Variants in OXR1 observed in about 807,000 individuals in gnomAD.
OXR1 encodes the protein oxidation resistance protein 1.
Under a neutral mutation model 104.6 loss-of-function variants are expected in OXR1, and 41 were observed. That is an observed-to-expected ratio of 0.39 (90% CI 0.31 to 0.51). The LOEUF is 0.51. Ranked by LOEUF, OXR1 falls within the 20% of genes least tolerant of loss-of-function variation. The pLI, the probability that OXR1 is intolerant of heterozygous loss-of-function variation, is 0.77. For synonymous variants in OXR1, 348 were observed against 348.4 expected, an observed-to-expected ratio of 1.00 and a Z score of 0.01; for missense variants, 955 against 1,031.9, an observed-to-expected ratio of 0.93 and a Z score of 1.02.
intron 3 of OXR1, among the ~76,000 whole-genome samples, chr8:106,546,901 T>G (rs892178099): frequency 6.6e-6 from 1 of 152,204 alleles, no homozygotes; most frequent in African/African-American, 2.4e-5. Context: ...ACCTGTTTGT[T>G]TTTATTTTTT....
intron 1 of OXR1, among the ~76,000 whole-genome samples, chr8:106,282,670 A>G (rs1204759907): frequency 6.6e-6 from 1 of 152,238 alleles, no homozygotes; most frequent in Non-Finnish European, 1.5e-5. Flanking sequence ...ATTAAGTGGA[A>G]GTGAATAATC....
chr8:106,622,004 T>C (rs1821744452), intron 3 of OXR1, among the ~76,000 whole-genome samples: 1 of 152,222 alleles, frequency 6.6e-6, no homozygotes, highest in Non-Finnish European at 1.5e-5. Flanking sequence ...CACCAATTCA[T>C]TAACATGTTA....
At chr8:106,674,417 G>T (rs1248355486) in intron 3 of OXR1, among the ~76,000 whole-genome samples, 1 of 152,172 alleles carries the variant, frequency 6.6e-6, no homozygotes, top group East Asian at 1.9e-4. Flanking sequence ...TACCCACATT[G>T]TGTCTTGGAA....
intron 2 of OXR1, among the ~76,000 whole-genome samples, chr8:106,364,617 TA>T (rs1310921190): frequency 0.013 from 6 of 476 alleles, no homozygotes; most frequent in African/African-American, 0.056. Context: ...AAAAAAGTAA[TA>T]ATTTTTTTTT....
At chr8:106,680,413 G>A (rs1054584210) in intron 4 of OXR1, among the ~76,000 whole-genome samples, 11 of 151,998 alleles carry the variant, frequency 7.2e-5, no homozygotes, top group Non-Finnish European at 1.5e-4. Context: ...TGTTTCTTCA[G>A]CCTAAGAAAT....
intron 2 of OXR1, among the ~76,000 whole-genome samples, chr8:106,516,078 A>C (rs1586746173): frequency 6.6e-6 from 1 of 151,126 alleles, no homozygotes; most frequent in Non-Finnish European, 1.5e-5. Flanking sequence ...CCAGCTTCTC[A>C]CTCCCTCTTT....
intron 1 of OXR1, among the ~76,000 whole-genome samples, chr8:106,285,353 T>C (rs1031203125): frequency 1.3e-5 from 2 of 152,212 alleles, no homozygotes; most frequent in Non-Finnish European, 2.9e-5. Context: ...TGCAGAGTAA[T>C]TGGGCAGCTC....
chr8:106,701,585 A>G (rs1331484976), intron 7 of OXR1, among the ~76,000 whole-genome samples: 1 of 152,132 alleles, frequency 6.6e-6, no homozygotes, highest in Non-Finnish European at 1.5e-5. Flanking sequence ...TTTTACAGTT[A>G]CAGGATATAT....
At chr8:106,606,377 T>G (rs1820396131) in intron 3 of OXR1, among the ~76,000 whole-genome samples, 1 of 151,910 alleles carries the variant, frequency 6.6e-6, no homozygotes. Context: ...CTCGGATCAC[T>G]GCAACCACCA....
intron 2 of OXR1, among the ~76,000 whole-genome samples, chr8:106,487,339 C>CTTTTTTT (rs71307062): frequency 1.5e-5 from 2 of 129,206 alleles, no homozygotes; most frequent in Non-Finnish European, 3.2e-5. Context: ...CCAGGTATTT[C>CTTTTTTT]TTTTTTTTTT....
At chr8:106,584,468 G>C (rs1313951120) in intron 3 of OXR1, among the ~76,000 whole-genome samples, 3 of 152,018 alleles carry the variant, frequency 2.0e-5, no homozygotes, top group African/African-American at 7.2e-5. Context: ...TGAAACTTCA[G>C]AAAACTTGTT....
chr8:106,676,541 T>G (rs1026127490), intron 3 of OXR1, among the ~76,000 whole-genome samples: 1 of 152,166 alleles, frequency 6.6e-6, no homozygotes, highest in African/African-American at 2.4e-5. Flanking sequence ...TTATTTCTCC[T>G]TCCCTTATAT....
intron 2 of OXR1, among the ~76,000 whole-genome samples, chr8:106,451,287 T>G (rs1200726051): frequency 6.6e-6 from 1 of 152,194 alleles, no homozygotes; most frequent in African/African-American, 2.4e-5. Flanking sequence ...CAGTTTGGCT[T>G]ATTATCATTG....
chr8:106,519,208 T>C, intron 3 of OXR1, 69 bp downstream of exon 3: 1 of 1,073,922 alleles, frequency 9.3e-7, no homozygotes, highest in Non-Finnish European at 1.3e-6. Context: ...AATTTCTGGG[T>C]CTGTTTAGTT....
At chr8:106,512,568 A>G (rs766583934) in intron 2 of OXR1, among the ~76,000 whole-genome samples, 1 of 151,888 alleles carries the variant, frequency 6.6e-6, no homozygotes, top group East Asian at 1.9e-4. Flanking sequence ...GAAGAACTCA[A>G]TTAAATAAAA....
At chr8:106,325,442 T>G (rs928417146) in intron 1 of OXR1, among the ~76,000 whole-genome samples, 1 of 152,234 alleles carries the variant, frequency 6.6e-6, no homozygotes, top group African/African-American at 2.4e-5. Context: ...CTAGTTTTTT[T>G]ATCCCCAACT....
chr8:106,559,261 T>G (rs1323036618), intron 3 of OXR1, among the ~76,000 whole-genome samples: 1 of 152,196 alleles, frequency 6.6e-6, no homozygotes, highest in Non-Finnish European at 1.5e-5. Context: ...CATCTGAGAT[T>G]TCATCAGAAT....
At chr8:106,658,155 C>G (rs981502557) in intron 3 of OXR1, 1 of 1,244,120 alleles carries the variant, frequency 8.0e-7, no homozygotes, top group Non-Finnish European at 1.0e-6. Flanking sequence ...GCCCCACCGG[C>G]CCCCGGCGCC....
chr8:106,369,439 T>C (rs1403013915), intron 2 of OXR1, among the ~76,000 whole-genome samples: 16 of 152,262 alleles, frequency 1.1e-4, no homozygotes. Context: ...TTGTTGCAAT[T>C]GTTTTTGACG....
Sources: allele counts gnomAD v4.1 joint callset (sites outside exome capture counted in the v4.1 genomes callset), GRCh38; gene constraint gnomAD v4.1.1; transcripts MANE v1.5; gene names NCBI Gene and HGNC (gene_info 2026-07-23, HGNC 2026-07-21).